MIGA1: variants seen among roughly 807,000 people sequenced by gnomAD.
MIGA1 encodes mitoguardin 1, also known as family with sequence similarity 73, member A.
A neutral mutation model predicts 82.0 loss-of-function variants in MIGA1; 58 were observed. That is an observed-to-expected ratio of 0.71 (90% CI 0.57 to 0.88). The LOEUF (loss-of-function observed/expected upper bound fraction) is 0.88. Ranked by LOEUF, MIGA1 falls within the 40% of genes least tolerant of loss-of-function variation. The probability of loss-of-function intolerance (pLI) is 0.00; values close to 1 mark genes in which losing one functional copy is unlikely to be tolerated. For missense variants in MIGA1, 751 were observed against 749.1 expected, an observed-to-expected ratio of 1.00 and a Z score of -0.03; for synonymous variants, 249 against 253.6, an observed-to-expected ratio of 0.98 and a Z score of 0.17.
intron 7 of MIGA1, among the ~76,000 whole-genome samples, chr1:77,841,612 G>GT (rs990758897): frequency 6.6e-6 from 1 of 151,078 alleles, no homozygotes; most frequent in Non-Finnish European, 1.5e-5. Context: ...CACAAGTTGT[G>GT]TTTTTTGGTA....
At chr1:77,836,179 A>G (rs1379694073) in intron 7 of MIGA1, among the ~76,000 whole-genome samples, 1 of 152,170 alleles carries the variant, frequency 6.6e-6, no homozygotes, top group Non-Finnish European at 1.5e-5. Flanking sequence ...ACGAACCACC[A>G]GGAAAAACAA....
intron 2 of MIGA1, among the ~76,000 whole-genome samples, chr1:77,795,576 T>C (rs1682618090): frequency 6.6e-6 from 1 of 151,690 alleles, no homozygotes; most frequent in African/African-American, 2.4e-5. Context: ...AAGTGATCTC[T>C]CCACCTTGTC....
intron 3 of MIGA1, among the ~76,000 whole-genome samples, chr1:77,802,047 G>A (rs1020384887): frequency 3.9e-5 from 6 of 152,090 alleles, no homozygotes; most frequent in African/African-American, 1.4e-4. Context: ...TTAGTATGTA[G>A]AGTTCAAGAA....
chr1:77,862,898 G>A (rs1685518602), intron 12 of MIGA1, among the ~76,000 whole-genome samples: 1 of 149,768 alleles, frequency 6.7e-6, no homozygotes, highest in Non-Finnish European at 1.5e-5. Context: ...CCGAGATCGT[G>A]CCAGTGCACT....
intron 8 of MIGA1, chr1:77,847,854 G>C (rs1224256584): frequency 1.9e-6 from 3 of 1,605,106 alleles, no homozygotes; most frequent in African/African-American, 1.3e-5. Flanking sequence ...TGTGAAAGTA[G>C]AGGAAAACCC....
chr1:77,871,228 A>C (rs1165728889), intron 14 of MIGA1, among the ~76,000 whole-genome samples: 1 of 152,108 alleles, frequency 6.6e-6, no homozygotes, highest in Non-Finnish European at 1.5e-5. Flanking sequence ...TAGGCCCGGC[A>C]CAGTGGCTCT....
At chr1:77,818,740 T>C (rs1377406060) in intron 7 of MIGA1, among the ~76,000 whole-genome samples, 1 of 152,030 alleles carries the variant, frequency 6.6e-6, no homozygotes, top group Non-Finnish European at 1.5e-5. Flanking sequence ...GAGACCAGCC[T>C]TGTATAGTGA....
chr1:77,800,423 A>T (rs76603148), intron 2 of MIGA1, among the ~76,000 whole-genome samples: 7,207 of 152,232 alleles, frequency 0.047, 225 homozygotes, highest in African/African-American at 0.095. Flanking sequence ...TTAGGGGGCA[A>T]TTGGTTGCCC....
In MIGA1 at chr1:77,796,056, C is replaced by T. The variant is rs771085053; in HGVS notation, c.196-5275C>T. Among the ~76,000 whole-genome samples, 3 of 152,066 alleles carry T rather than the reference C, an allele frequency of 2.0e-5. No homozygotes were observed. The South Asian group carries it at 6.2e-4, about 32-fold the overall frequency. On this transcript the variant is annotated intron_variant, in intron 2 of 15. Coordinates refer to ENST00000370791, the MANE Select transcript of MIGA1 (RefSeq NM_198549.4). ...ATAATATATTTACTTATTATAATAT[C>T]TAGTGTACACATAAAGAAATTTCAG...
intron 8 of MIGA1, among the ~76,000 whole-genome samples, chr1:77,855,866 G>A (rs115494062): frequency 0.024 from 3,723 of 152,024 alleles, 51 homozygotes; most frequent in Middle Eastern, 0.065. Context: ...CCTCTTTACC[G>A]ACGTGGATGC....
At chr1:77,813,984 G>A in intron 6 of MIGA1, 117 bp downstream of exon 6, 1 of 1,004,684 alleles carries the variant, frequency 1.0e-6, no homozygotes. Context: ...TTGAACTCCT[G>A]GGCTCAAGCG....
chr1:77,861,864 G>A, intron 12 of MIGA1: 1 of 152,720 alleles, frequency 6.5e-6, no homozygotes, highest in Non-Finnish European at 1.5e-5. Context: ...TATCGGTCCA[G>A]GCATGGTGGC....
chr1:77,859,839 C>T (rs558591676), intron 10 of MIGA1: 174 of 459,420 alleles, frequency 3.8e-4, no homozygotes, highest in Non-Finnish European at 6.0e-4. Context: ...TCAAATTTAA[C>T]TCCCTTTAAT....
In MIGA1 at chr1:77,878,841, A is replaced by G. The variant is rs1646914628; in HGVS notation, c.*3777A>G. The G allele has an allele frequency of 2.6e-6, 1 of 380,162 alleles. No homozygotes were observed. The highest frequency in any genetic ancestry group is 4.7e-6 in the Non-Finnish European group (1 of 213,292). The allele number at this position is 380,162 out of a possible 1,614,324, so 23.5% of individuals were successfully genotyped here. A position where few individuals can be genotyped will look rare whatever the true frequency, so the allele number is the denominator to read the frequency against. On this transcript the variant is annotated 3_prime_UTR_variant, in exon 16 of 16. Coordinates refer to ENST00000370791, the MANE Select transcript of MIGA1 (RefSeq NM_198549.4). Reference sequence around the variant, plus strand: ...TTCCATACTGTCACAGTAAGCTCCAAAGAACTTTGTCTTTCTCATAAAGTA... The same window carrying G: ...TTCCATACTGTCACAGTAAGCTCCAGAGAACTTTGTCTTTCTCATAAAGTA...
At chr1:77,848,613 A>C in intron 8 of MIGA1, 2 of 1,464,102 alleles carry the variant, frequency 1.4e-6, no homozygotes, top group South Asian at 2.4e-5. Context: ...CTGAATCATC[A>C]CTGGGAGCAA....
chr1:77,830,055 G>A (rs1684186067), intron 7 of MIGA1, among the ~76,000 whole-genome samples: 1 of 151,954 alleles, frequency 6.6e-6, no homozygotes, highest in Non-Finnish European at 1.5e-5. Flanking sequence ...CATTCACTGT[G>A]GGGCTTTTTG....
chr1:77,850,107 T>G (rs1684992272), intron 8 of MIGA1, among the ~76,000 whole-genome samples: 2 of 152,048 alleles, frequency 1.3e-5, no homozygotes, highest in Admixed American at 6.6e-5. Flanking sequence ...CTCACTCCTA[T>G]GAATGGAAAG....
chr1:77,813,634 TG>T (rs2101799223), intron 5 of MIGA1, 99 bp from the exon 6 acceptor site: 1 of 1,244,634 alleles, frequency 8.0e-7, no homozygotes, highest in East Asian at 2.3e-5. Flanking sequence ...AAAATTAGAC[TG>T]TGACATCAGT....
chr1:77,856,124 T>C (rs548382762), intron 8 of MIGA1, among the ~76,000 whole-genome samples: 52 of 152,338 alleles, frequency 3.4e-4, no homozygotes, highest in African/African-American at 1.3e-3. Flanking sequence ...TTTTGTCAAA[T>C]GCTTTTTCTG....
Sources: gnomAD v4.1 joint callset for allele counts (sites outside exome capture counted in the v4.1 genomes callset) on GRCh38, gnomAD v4.1.1 for gene constraint, MANE v1.5 for transcripts, NCBI Gene and HGNC (gene_info 2026-07-23, HGNC 2026-07-21) for gene names.